PPP2R2B: variants seen among roughly 807,000 people sequenced by gnomAD.
The protein encoded by PPP2R2B is serine/threonine-protein phosphatase 2A 55 kDa regulatory subunit B beta isoform.
Under a neutral mutation model 46.0 loss-of-function variants are expected in PPP2R2B, and 5 were observed. The observed-to-expected ratio is 0.11, with a 90% CI of 0.06 to 0.23. PPP2R2B has a LOEUF of 0.23. Among genes scored for constraint, PPP2R2B ranks in the 10% least tolerant of loss-of-function variants. The pLI, the probability that PPP2R2B is intolerant of heterozygous loss-of-function variation, is 1.00. For synonymous variants in PPP2R2B, 215 were observed against 206.7 expected (o/e 1.04, Z -0.34); for missense variants, 367 against 575.0 (o/e 0.64, Z 3.70).
chr5:146,692,927 A>C (rs1463474580), intron 4 of PPP2R2B, among the ~76,000 whole-genome samples: 5 of 152,086 alleles, frequency 3.3e-5, no homozygotes, highest in African/African-American at 1.2e-4. Flanking sequence ...TCCAGTGTAC[A>C]TTTTTTATAC....
At chr5:146,791,338 AT>A (rs1181559093) in intron 2 of PPP2R2B, among the ~76,000 whole-genome samples, 8 of 152,088 alleles carry the variant, frequency 5.3e-5, no homozygotes, top group East Asian at 1.9e-4. Context: ...TTCAGTGTCG[AT>A]CCCCCCTTTT....
intron 7 of PPP2R2B, among the ~76,000 whole-genome samples, chr5:146,605,170 G>A (rs532892463): frequency 6.6e-6 from 1 of 152,212 alleles, no homozygotes; most frequent in Admixed American, 6.5e-5. Context: ...GTCAACTCAG[G>A]TACAACTCAC....
At chr5:146,669,776 G>A (rs1223623305) in intron 5 of PPP2R2B, among the ~76,000 whole-genome samples, 1 of 152,154 alleles carries the variant, frequency 6.6e-6, no homozygotes, top group African/African-American at 2.4e-5. Context: ...GGCTCAGTGA[G>A]GTTAAATGAC....
At chr5:146,723,055 G>A (rs1751626153) in intron 2 of PPP2R2B, among the ~76,000 whole-genome samples, 3 of 152,040 alleles carry the variant, frequency 2.0e-5, no homozygotes, top group Admixed American at 2.0e-4. Context: ...CCTATTCTGG[G>A]TTAGATGCCC....
At chr5:146,650,429 G>A (rs1775876640) in intron 6 of PPP2R2B, 118 bp downstream of exon 6, 1 of 898,262 alleles carries the variant, frequency 1.1e-6, no homozygotes, top group African/African-American at 1.7e-5. Flanking sequence ...TTTTAAAAGG[G>A]GCAAGTTCTC....
intron 2 of PPP2R2B, among the ~76,000 whole-genome samples, chr5:146,775,617 C>A (rs527470503): frequency 6.6e-6 from 1 of 151,998 alleles, no homozygotes; most frequent in African/African-American, 2.4e-5. Flanking sequence ...ACTGAAAGAC[C>A]TAGCCAGAGC....
intron 2 of PPP2R2B, among the ~76,000 whole-genome samples, chr5:146,876,521 A>T (rs937101176): frequency 1.3e-5 from 2 of 152,246 alleles, no homozygotes; most frequent in Admixed American, 1.3e-4. Flanking sequence ...AGAGTTAGTC[A>T]TGTGCTATCA....
chr5:147,076,613 T>C (rs1457912182), intron 2 of PPP2R2B, among the ~76,000 whole-genome samples: 7 of 152,196 alleles, frequency 4.6e-5, no homozygotes, highest in Admixed American at 4.6e-4. Context: ...TGTCTTAAAA[T>C]GGTTTCTTCC....
chr5:146,693,443 A>G (rs1778998657), intron 4 of PPP2R2B, among the ~76,000 whole-genome samples: 1 of 151,896 alleles, frequency 6.6e-6, no homozygotes, highest in African/African-American at 2.4e-5. Context: ...TCAAACTCCC[A>G]GGCTCAAGCA....
chr5:146,940,307 ATAG>A (rs1195135730), intron 1 of PPP2R2B, among the ~76,000 whole-genome samples: 6 of 152,210 alleles, frequency 3.9e-5, no homozygotes, highest in Non-Finnish European at 8.8e-5. Context: ...CTTGGCCAGG[ATAG>A]TTGATTCAAA....
intron 2 of PPP2R2B, among the ~76,000 whole-genome samples, chr5:146,720,178 A>T (rs1780715709): frequency 6.6e-6 from 1 of 152,234 alleles, no homozygotes; most frequent in African/African-American, 2.4e-5. Flanking sequence ...GCAAGGTAGC[A>T]ACACCTTTAT....
At chr5:146,796,593 C>T (rs1402080973) in intron 2 of PPP2R2B, among the ~76,000 whole-genome samples, 1 of 152,130 alleles carries the variant, frequency 6.6e-6, no homozygotes, top group Non-Finnish European at 1.5e-5. Context: ...ATTTCTCCAA[C>T]AAATACCTAG....
intron 1 of PPP2R2B, among the ~76,000 whole-genome samples, chr5:146,937,777 C>A (rs1309686751): frequency 6.6e-6 from 1 of 152,164 alleles, no homozygotes; most frequent in Non-Finnish European, 1.5e-5. Flanking sequence ...ATGTGTGGGA[C>A]AGATGATCTG....
At position 146,922,331 on chromosome 5, in the gene PPP2R2B, T is replaced by C. The variant is rs149291679; in HGVS notation, c.79+133334A>G. 2.6e-5 allele frequency: 4 copies of C among 152,330 alleles called. No individual in the cohort carries two copies. The East Asian group carries it at 7.7e-4, about 29-fold the overall frequency. 9.4% of individuals were successfully genotyped at this position (152,330 alleles called of 1,614,324 possible). A position where few individuals can be genotyped will look rare whatever the true frequency, so the allele number is the denominator to read the frequency against. On this transcript the variant is annotated intron_variant, in intron 1 of 8. Coordinates refer to the PPP2R2B transcript ENST00000336640. ...AAATGAAAGCTCACCTTACCTTTTT[T>C]ATATCAGAAAATAAACACCTCTCCA...
intron 2 of PPP2R2B, among the ~76,000 whole-genome samples, chr5:146,783,451 G>A (rs1240228995): frequency 6.6e-6 from 1 of 152,180 alleles, no homozygotes; most frequent in African/African-American, 2.4e-5. Context: ...TTAAGCATCT[G>A]TCTGGACCCG....
intron 1 of PPP2R2B, among the ~76,000 whole-genome samples, chr5:146,959,551 A>C (rs1752076668): frequency 2.0e-5 from 3 of 152,172 alleles, no homozygotes; most frequent in African/African-American, 7.2e-5. Context: ...GAATAAATGC[A>C]TGCACTGTGG....
chr5:146,801,360 T>A, intron 2 of PPP2R2B, among the ~76,000 whole-genome samples: 1 of 152,320 alleles, frequency 6.6e-6, no homozygotes, highest in East Asian at 1.9e-4. Flanking sequence ...GAGGCAACTA[T>A]GTGAGGTGAT....
chr5:146,797,029 G>A (rs1582125293), intron 2 of PPP2R2B, among the ~76,000 whole-genome samples: 2 of 152,178 alleles, frequency 1.3e-5, no homozygotes, highest in East Asian at 3.9e-4. Context: ...AAAAGTTTTG[G>A]GAGTTGACCC....
intron 7 of PPP2R2B, among the ~76,000 whole-genome samples, chr5:146,615,943 G>C (rs976918639): frequency 6.6e-6 from 1 of 152,052 alleles, no homozygotes; most frequent in Non-Finnish European, 1.5e-5. Context: ...GCTATCTTAA[G>C]CAAAAAACAA....
Sources: allele counts gnomAD v4.1 joint callset (sites outside exome capture counted in the v4.1 genomes callset), GRCh38; gene constraint gnomAD v4.1.1; transcripts MANE v1.5; gene names NCBI Gene and HGNC (gene_info 2026-07-23, HGNC 2026-07-21).